The following NRXN3 variants were observed in gnomAD, a reference collection of about 807,000 sequenced individuals.
The protein encoded by NRXN3 is neurexin III.
In NRXN3, 32 loss-of-function variants were observed where a neutral mutation model predicts 137.6. The ratio of observed to expected loss-of-function variants is 0.23; its 90% CI spans 0.18 to 0.31. NRXN3 has a LOEUF of 0.31. Among genes scored for constraint, NRXN3 ranks in the 10% least tolerant of loss-of-function variants. The pLI, the probability that NRXN3 is intolerant of heterozygous loss-of-function variation, is 1.00. For synonymous variants in NRXN3, 798 were observed against 784.5 expected (o/e 1.02, Z -0.29); for missense variants, 1,574 against 2,062.5 (o/e 0.76, Z 4.59).
chr14:78,983,623 C>T lies in NRXN3; in HGVS notation c.3143-4399C>T, dbSNP rs199882301. Among the ~76,000 whole-genome samples the T allele has an allele frequency of 7.9e-5, 12 of 151,954 alleles. 1 individual carries two copies. The East Asian group carries it at 1.4e-3, about 17-fold the overall frequency. ...CCTGTAATCCCAGCACTTTGGGAGG[C>T]CGAGGCAGGTAGATCACGAGGTCAA... On this transcript the variant is annotated intron_variant, in intron 14 of 20. Coordinates refer to ENST00000335750, the MANE Select transcript of NRXN3 (RefSeq NM_001330195.2).
intron 15 of NRXN3, among the ~76,000 whole-genome samples, chr14:79,127,497 G>C (rs10137002): frequency 6.6e-6 from 1 of 151,990 alleles, no homozygotes; most frequent in Admixed American, 6.6e-5. Flanking sequence ...GATATGCGGC[G>C]TTATTTCTGA....
At chr14:78,773,622 C>T (rs530696404) in intron 8 of NRXN3, among the ~76,000 whole-genome samples, 6 of 151,940 alleles carry the variant, frequency 3.9e-5, no homozygotes, top group East Asian at 3.9e-4. Flanking sequence ...AATTAAGTTG[C>T]GTTCAATAGT....
intron 6 of NRXN3, among the ~76,000 whole-genome samples, chr14:78,660,826 A>G (rs2097833837): frequency 1.3e-5 from 2 of 152,230 alleles, no homozygotes; most frequent in Admixed American, 6.5e-5. Context: ...TAGGTGATGT[A>G]GCAGAATTCC....
At chr14:78,880,239 C>CAAAA (rs59348965) in intron 10 of NRXN3, among the ~76,000 whole-genome samples, 16 of 45,260 alleles carry the variant, frequency 3.5e-4, no homozygotes, top group African/African-American at 4.7e-4. Flanking sequence ...GACTCCGTCT[C>CAAAA]AAAAAAAAAA....
intron 10 of NRXN3, among the ~76,000 whole-genome samples, chr14:78,856,824 C>G (rs563995378): frequency 1.3e-5 from 2 of 152,158 alleles, no homozygotes; most frequent in African/African-American, 4.8e-5. Context: ...ACCTCTGCCT[C>G]CCAGGTTCAA....
At chr14:79,320,367 A>G (rs1489857027) in intron 15 of NRXN3, among the ~76,000 whole-genome samples, 4 of 152,208 alleles carry the variant, frequency 2.6e-5, no homozygotes, top group Non-Finnish European at 4.4e-5. Flanking sequence ...GTTTGATCTT[A>G]AAATACCACA....
chr14:79,619,809 G>A (rs765268201), intron 16 of NRXN3, among the ~76,000 whole-genome samples: 4 of 152,088 alleles, frequency 2.6e-5, no homozygotes, highest in Non-Finnish European at 5.9e-5. Context: ...GATAAAGCAA[G>A]TACCATATGC....
At chr14:78,813,004 T>A (rs558045662) in intron 10 of NRXN3, among the ~76,000 whole-genome samples, 1 of 144,328 alleles carries the variant, frequency 6.9e-6, no homozygotes, top group Non-Finnish European at 1.5e-5. Flanking sequence ...TAGGGTTATG[T>A]AGAGTCACAA....
intron 16 of NRXN3, among the ~76,000 whole-genome samples, chr14:79,566,852 G>C (rs901311938): frequency 6.6e-6 from 1 of 152,038 alleles, no homozygotes; most frequent in East Asian, 1.9e-4. Context: ...ATTACATCAT[G>C]AATCATGATA....
chr14:79,608,173 G>A (rs1053143927), intron 16 of NRXN3, among the ~76,000 whole-genome samples: 1 of 152,110 alleles, frequency 6.6e-6, no homozygotes, highest in African/African-American at 2.4e-5. Flanking sequence ...ACTGCTAGAT[G>A]TAATGAGGAT....
At chr14:79,016,166 C>T (rs1225853278) in intron 15 of NRXN3, among the ~76,000 whole-genome samples, 2 of 152,098 alleles carry the variant, frequency 1.3e-5, no homozygotes, top group Non-Finnish European at 1.5e-5. Context: ...CAGCTTTGTG[C>T]AGTGGGAAGG....
intron 4 of NRXN3, among the ~76,000 whole-genome samples, chr14:78,435,654 T>G (rs769538342): frequency 4.6e-5 from 7 of 152,202 alleles, no homozygotes; most frequent in African/African-American, 7.2e-5. Flanking sequence ...AGTTCACCTA[T>G]TTGAGAAATT....
intron 6 of NRXN3, among the ~76,000 whole-genome samples, chr14:78,659,416 C>T (rs949922588): frequency 5.3e-5 from 8 of 152,032 alleles, no homozygotes; most frequent in East Asian, 3.9e-4. Context: ...TGGTAGTTCA[C>T]GCCCATAATT....
At chr14:79,185,750 C>A (rs919256309) in intron 15 of NRXN3, among the ~76,000 whole-genome samples, 1 of 152,176 alleles carries the variant, frequency 6.6e-6, no homozygotes, top group Admixed American at 6.5e-5. Flanking sequence ...CAGGCGTGAG[C>A]CACCACCGTA....
At chr14:78,625,871 G>A (rs2097453087) in intron 4 of NRXN3, among the ~76,000 whole-genome samples, 1 of 152,126 alleles carries the variant, frequency 6.6e-6, no homozygotes, top group Non-Finnish European at 1.5e-5. Flanking sequence ...AGGATTTGGG[G>A]TCAGCAAAAC....
chr14:78,337,083 T>A (rs998399620), intron 4 of NRXN3, among the ~76,000 whole-genome samples: 6 of 152,222 alleles, frequency 3.9e-5, no homozygotes, highest in Non-Finnish European at 8.8e-5. Context: ...CAGACTTTTT[T>A]CTGAGCACGC....
chr14:78,543,290 T>TAA (rs2096608796), intron 4 of NRXN3, among the ~76,000 whole-genome samples: 1 of 152,224 alleles, frequency 6.6e-6, no homozygotes, highest in South Asian at 2.1e-4. Context: ...ATAAACCTCC[T>TAA]GATATTTTAT....
At chr14:78,253,869 A>G (rs978584902) in intron 2 of NRXN3, among the ~76,000 whole-genome samples, 7 of 130,620 alleles carry the variant, frequency 5.4e-5, no homozygotes, top group Admixed American at 3.9e-4. Context: ...AAGGCAGCCT[A>G]ATGTATCTCT....
chr14:79,037,043 A>G (rs2099617256), intron 15 of NRXN3, among the ~76,000 whole-genome samples: 1 of 152,034 alleles, frequency 6.6e-6, no homozygotes, highest in Non-Finnish European at 1.5e-5. Context: ...AAATGGGACC[A>G]TATTTGTTTA....
Sources: gnomAD v4.1 joint callset for allele counts (sites outside exome capture counted in the v4.1 genomes callset) on GRCh38, gnomAD v4.1.1 for gene constraint, MANE v1.5 for transcripts, NCBI Gene and HGNC (gene_info 2026-07-23, HGNC 2026-07-21) for gene names.